Variants in CRB1 observed in about 807,000 individuals in gnomAD.
CRB1 encodes the protein protein crumbs homolog 1.
A neutral mutation model predicts 120.0 loss-of-function variants in CRB1; 83 were observed. The observed-to-expected ratio is 0.69, with a 90% CI of 0.58 to 0.83. The LOEUF is 0.83. CRB1 is among the 40% of genes least tolerant of loss of function. The probability of loss-of-function intolerance (pLI) is 0.00; values close to 1 mark genes in which losing one functional copy is unlikely to be tolerated. For missense variants in CRB1, 1,699 were observed against 1,687.6 expected (o/e 1.01, Z -0.12); for synonymous variants, 625 against 612.5 (o/e 1.02, Z -0.30).
rs149390998 is a variant in CRB1 at position 197,435,239 on chromosome 1, C to T, written c.3376C>T (p.Leu1126Phe). The change falls in exon 9 of 12, where the codon CTC (leucine) becomes TTC (phenylalanine). Residue 1126 changes from leucine (L) to phenylalanine (F), a missense_variant. Leu to Phe is a conservative substitution (Grantham distance 22). Coordinates refer to ENST00000367400, the MANE Select transcript of CRB1 (RefSeq NM_201253.3). Reference protein sequence around the residue: ...FINKPQEEQFLKISTNSVVTG... With the variant: ...FINKPQEEQFFKISTNSVVTG... ...TAATAAACCTCAGGAAGAGCAATTT[C>T]TCAAAATCTCTACCAATTCAGTGGT... The T allele has an allele frequency of 6.2e-7, 1 of 1,613,866 alleles. No homozygotes were observed. Among genetic ancestry groups the T allele is most frequent in the East Asian group, 2.2e-5 (1 of 44,884 alleles).
At chr1:197,227,916 C>G in the CRB1 span, among the ~76,000 whole-genome samples, 9 of 152,214 alleles carry the variant, frequency 5.9e-5, no homozygotes, top group African/African-American at 2.2e-4. Context: ...CTTCTGTGCA[C>G]CCACAAGCTC....
chr1:197,398,649 C>A (rs942007241), intron 5 of CRB1, among the ~76,000 whole-genome samples: 3 of 152,052 alleles, frequency 2.0e-5, no homozygotes, highest in African/African-American at 7.2e-5. Context: ...ATGGTGGAGT[C>A]ATTCGGCAAG....
chr1:197,430,059 T>G (rs762795044), intron 8 of CRB1, among the ~76,000 whole-genome samples: 1 of 152,206 alleles, frequency 6.6e-6, no homozygotes, highest in Non-Finnish European at 1.5e-5. Context: ...TTTGTGATGA[T>G]TCTATGACCT....
intron 1 of CRB1, among the ~76,000 whole-genome samples, chr1:197,290,876 A>G (rs928383379): frequency 1.3e-5 from 2 of 151,810 alleles, no homozygotes; most frequent in African/African-American, 4.8e-5. Flanking sequence ...ATGCTTTTGC[A>G]GGAAATTGTG....
intron 5 of CRB1, among the ~76,000 whole-genome samples, chr1:197,384,408 A>T (rs556960359): frequency 6.6e-6 from 1 of 152,184 alleles, no homozygotes; most frequent in African/African-American, 2.4e-5. Context: ...CCACTTTCCA[A>T]CCTGGCATCA....
intron 2 of CRB1, among the ~76,000 whole-genome samples, chr1:197,341,209 C>G (rs1360313877): frequency 6.6e-6 from 1 of 152,066 alleles, no homozygotes. Flanking sequence ...GATCTCAATG[C>G]CTGTGAGATA....
At chr1:197,407,529 T>A (rs1248143810) in intron 5 of CRB1, among the ~76,000 whole-genome samples, 1 of 152,216 alleles carries the variant, frequency 6.6e-6, no homozygotes, top group East Asian at 1.9e-4. Context: ...GATCAGAGCT[T>A]CTTAGCTTTT....
chr1:197,208,225 CAG>C, the CRB1 span, among the ~76,000 whole-genome samples: 6 of 152,050 alleles, frequency 3.9e-5, no homozygotes, highest in Non-Finnish European at 7.4e-5. Context: ...TCTGGCAATT[CAG>C]AGTTTTCTTC....
At chr1:197,433,484 T>C (rs1237099201) in intron 8 of CRB1, among the ~76,000 whole-genome samples, 1 of 152,104 alleles carries the variant, frequency 6.6e-6, no homozygotes, top group Non-Finnish European at 1.5e-5. Flanking sequence ...AAAGTGGTTT[T>C]AGTGAAGTGA....
At chr1:197,415,629 CTTTTTT>C (rs1663945327) in intron 5 of CRB1, among the ~76,000 whole-genome samples, 1 of 126,724 alleles carries the variant, frequency 7.9e-6, no homozygotes, top group Non-Finnish European at 1.7e-5. Context: ...TTTTCTTTTT[CTTTTTT>C]CTTTTCTTTT....
chr1:197,209,000 A>G, the CRB1 span, among the ~76,000 whole-genome samples: 1 of 152,144 alleles, frequency 6.6e-6, no homozygotes, highest in African/African-American at 2.4e-5. Context: ...TCACCAAGAA[A>G]GTGAGAGAAA....
intron 1 of CRB1, among the ~76,000 whole-genome samples, chr1:197,289,372 G>T (rs1656029766): frequency 6.6e-6 from 1 of 151,274 alleles, no homozygotes; most frequent in African/African-American, 2.4e-5. Flanking sequence ...CTCTAATTTT[G>T]GTTCCTCTGC....
intron 2 of CRB1, among the ~76,000 whole-genome samples, chr1:197,338,920 T>TG (rs1659304697): frequency 6.6e-6 from 1 of 152,204 alleles, no homozygotes; most frequent in South Asian, 2.1e-4. Flanking sequence ...GCTAAGGCAC[T>TG]GCTGATTGTA....
chr1:197,328,483 A>G lies in CRB1; in HGVS notation c.132A>G (p.Thr44=), dbSNP rs754232939. Residue 44 remains threonine (T), a synonymous_variant, in exon 2 of 12, where the codon ACA becomes ACG. Coordinates refer to ENST00000367400, the MANE Select transcript of CRB1 (RefSeq NM_201253.3). ...CAAATTCTTGCCAAAACAATTCTAC[A>G]TGCAAAGATTTTTCAAAAGACAATG... ...CLSNSCQNNS[T]CKDFSKDNDC... is the part of the protein sequence containing the mutation. The G allele has an allele frequency of 4.3e-6, 7 of 1,614,120 alleles. No individual in the cohort carries two copies. The highest frequency in any genetic ancestry group is 3.3e-5 in the Admixed American group (2 of 60,012).
intron 2 of CRB1, among the ~76,000 whole-genome samples, chr1:197,338,615 A>G (rs113590907): frequency 6.6e-6 from 1 of 152,326 alleles, no homozygotes; most frequent in African/African-American, 2.4e-5. Context: ...ACCAAAGAGG[A>G]CACAATGTGA....
chr1:197,319,432 C>CAAAAA lies in CRB1; in HGVS notation c.71-8968_71-8964dup, dbSNP rs10646084. On this transcript the variant is annotated intron_variant, in intron 1 of 11. Coordinates refer to ENST00000367400, the MANE Select transcript of CRB1 (RefSeq NM_201253.3). ...TGGGTGACAGAGTGAGACTCCATCT[C>CAAAAA]AAAAAAAAAAAAAAAAAAAAAAAAA... Among the ~76,000 whole-genome samples, 115 of 27,048 alleles carry CAAAAA rather than the reference C, an allele frequency of 4.3e-3. 7 individuals carry two copies. The highest frequency in any genetic ancestry group is 0.013 in the African/African-American group (76 of 5,996). 17.7% of individuals were successfully genotyped at this position (27,048 alleles called of 152,430 possible).
At chr1:197,239,566 T>C in the CRB1 span, among the ~76,000 whole-genome samples, 2 of 152,088 alleles carry the variant, frequency 1.3e-5, no homozygotes, top group African/African-American at 4.8e-5. Flanking sequence ...TCAATCTGTC[T>C]ATATTGTCAT....
the CRB1 span, among the ~76,000 whole-genome samples, chr1:197,250,981 T>C: frequency 2.6e-5 from 4 of 152,112 alleles, no homozygotes; most frequent in African/African-American, 9.7e-5. Context: ...CCTTACTTTA[T>C]ATTGAAGTTT....
chr1:197,444,001 C>T (rs946603068), intron 11 of CRB1: 6 of 152,088 alleles, frequency 3.9e-5, no homozygotes, highest in Admixed American at 6.6e-5. Context: ...TGTAAATATA[C>T]GTCTATGACT....
Sources: gnomAD v4.1 joint callset for allele counts (sites outside exome capture counted in the v4.1 genomes callset) on GRCh38, gnomAD v4.1.1 for gene constraint, MANE v1.5 for transcripts, NCBI Gene and HGNC (gene_info 2026-07-23, HGNC 2026-07-21) for gene names.